Variants in CCDC73 observed in about 807,000 individuals in gnomAD.
CCDC73 encodes coiled-coil domain-containing protein 73.
CCDC73 carries 95 observed loss-of-function variants against 116.5 expected under a neutral mutation model. The observed-to-expected ratio is 0.82, with a 90% confidence interval of 0.69 to 0.97. The LOEUF (loss-of-function observed/expected upper bound fraction) is 0.97. Among genes scored for constraint, CCDC73 ranks in the 50% least tolerant of loss-of-function variants. The pLI, the probability that CCDC73 is intolerant of heterozygous loss-of-function variation, is 0.00. For synonymous variants in CCDC73, 398 were observed against 401.3 expected, an observed-to-expected ratio of 0.99 and a Z score of 0.10; for missense variants, 1,066 against 1,206.8, an observed-to-expected ratio of 0.88 and a Z score of 1.73.
chr11:32,721,683 T>A (rs1181966498), intron 2 of CCDC73, among the ~76,000 whole-genome samples: 1 of 150,792 alleles, frequency 6.6e-6, no homozygotes, highest in Non-Finnish European at 1.5e-5. Flanking sequence ...AAGCTCTGCC[T>A]CCTGGGTTCA....
intron 14 of CCDC73, among the ~76,000 whole-genome samples, chr11:32,617,767 T>C (rs946066688): frequency 1.3e-5 from 2 of 152,154 alleles, no homozygotes; most frequent in Admixed American, 1.3e-4. Context: ...AGTAGTAGAT[T>C]TGGACGAAAA....
intron 16 of CCDC73, 53 bp downstream of exon 16, chr11:32,613,369 A>T: frequency 7.0e-7 from 1 of 1,438,184 alleles, no homozygotes; most frequent in Non-Finnish European, 9.5e-7. Context: ...CACATTTATC[A>T]AGAATAAGTA....
chr11:32,754,870 G>T (rs1670280447), intron 2 of CCDC73, among the ~76,000 whole-genome samples: 1 of 145,686 alleles, frequency 6.9e-6, no homozygotes, highest in African/African-American at 2.5e-5. Flanking sequence ...CACAGAAGAT[G>T]GCTTCAACTT....
chr11:32,728,326 T>C (rs906558673), intron 2 of CCDC73, among the ~76,000 whole-genome samples: 3 of 152,182 alleles, frequency 2.0e-5, no homozygotes, highest in African/African-American at 7.2e-5. Flanking sequence ...TTATTAATAT[T>C]AATAGGAGAT....
intron 13 of CCDC73, among the ~76,000 whole-genome samples, chr11:32,639,534 C>T (rs973589756): frequency 6.6e-6 from 1 of 151,990 alleles, no homozygotes; most frequent in African/African-American, 2.4e-5. Flanking sequence ...ACTGCAACCT[C>T]CACCTCCTGG....
chr11:32,667,050 G>A (rs575805582), intron 9 of CCDC73, among the ~76,000 whole-genome samples: 150 of 152,320 alleles, frequency 9.8e-4, no homozygotes, highest in Non-Finnish European at 1.8e-3. Context: ...ACGGTCGGCC[G>A]TGTGAGGTGT....
At position 32,614,220 on chromosome 11, in the gene CCDC73, C is replaced by T. The variant is rs577131034; in HGVS notation, c.2098G>A (p.Val700Ile). Residue 700 changes from valine (V) to isoleucine (I), a missense_variant, in exon 16 of 18, where the codon GTT becomes ATT. Physicochemically the swap from Val to Ile is conservative, Grantham distance 29. Coordinates refer to ENST00000335185, the MANE Select transcript of CCDC73 (RefSeq NM_001008391.4). ...TGGTCGATTACTATATCACAGGGAA[C>T]AGTTAGTTCAGATTTCTCTAAAGTA... ...NDTLEKSELT[V>I]PCDIVIDHHV... 1.2e-5 allele frequency: 20 copies of T among 1,613,790 alleles called. No homozygotes were observed. In the East Asian group the frequency reaches 3.8e-4, roughly 31 times the overall value.
chr11:32,632,118 T>A (rs1855636966), intron 14 of CCDC73, among the ~76,000 whole-genome samples: 1 of 152,242 alleles, frequency 6.6e-6, no homozygotes, highest in African/African-American at 2.4e-5. Flanking sequence ...TTAACCCTTT[T>A]AAATGTACTA....
At chr11:32,741,146 A>G (rs546686100) in intron 2 of CCDC73, among the ~76,000 whole-genome samples, 1 of 152,284 alleles carries the variant, frequency 6.6e-6, no homozygotes, top group East Asian at 1.9e-4. Context: ...TGTATTCTGC[A>G]GCTATTGGAT....
intron 14 of CCDC73, among the ~76,000 whole-genome samples, chr11:32,616,561 G>A (rs2133223328): frequency 6.6e-6 from 1 of 152,204 alleles, no homozygotes; most frequent in Non-Finnish European, 1.5e-5. Context: ...TGCACGACAA[G>A]CCTCAAAATT....
At chr11:32,713,231 A>G (rs1227806038) in intron 3 of CCDC73, among the ~76,000 whole-genome samples, 2 of 152,078 alleles carry the variant, frequency 1.3e-5, no homozygotes, top group Non-Finnish European at 2.9e-5. Context: ...CCCCTAAATC[A>G]TGACTCCTTA....
intron 14 of CCDC73, 72 bp downstream of exon 14, chr11:32,635,624 C>T: frequency 8.4e-7 from 1 of 1,186,450 alleles, no homozygotes; most frequent in East Asian, 3.3e-5. Context: ...AAGTATAAAA[C>T]AGGGAAAAAA....
At chr11:32,742,094 T>C (rs1160133758) in intron 2 of CCDC73, among the ~76,000 whole-genome samples, 2 of 152,202 alleles carry the variant, frequency 1.3e-5, no homozygotes, top group Non-Finnish European at 2.9e-5. Flanking sequence ...GTCTTTGCTA[T>C]TGTGAATAGT....
intron 1 of CCDC73, among the ~76,000 whole-genome samples, chr11:32,788,464 G>A (rs1309326617): frequency 1.3e-5 from 2 of 151,012 alleles, no homozygotes; most frequent in Non-Finnish European, 2.9e-5. Flanking sequence ...ATACAAATTT[G>A]ATGGTACAAA....
chr11:32,736,056 C>T (rs1290986038), intron 2 of CCDC73, among the ~76,000 whole-genome samples: 2 of 151,876 alleles, frequency 1.3e-5, no homozygotes, highest in East Asian at 3.9e-4. Flanking sequence ...CCATAAAAAC[C>T]CTAGAAAAAA....
chr11:32,645,579 A>G (rs1590565645), intron 12 of CCDC73, among the ~76,000 whole-genome samples: 1 of 150,458 alleles, frequency 6.6e-6, no homozygotes, highest in Non-Finnish European at 1.5e-5. Context: ...ATGAGCCACC[A>G]CGCCTGGCCA....
chr11:32,752,992 G>C (rs990035993), intron 2 of CCDC73, among the ~76,000 whole-genome samples: 1 of 152,040 alleles, frequency 6.6e-6, no homozygotes, highest in Non-Finnish European at 1.5e-5. Context: ...TTTTCTTGTA[G>C]ATAAAGGGTC....
intron 2 of CCDC73, among the ~76,000 whole-genome samples, chr11:32,753,247 T>C (rs1289123047): frequency 6.6e-6 from 1 of 152,024 alleles, no homozygotes; most frequent in Non-Finnish European, 1.5e-5. Context: ...TTATGTTTTC[T>C]AGTATTTGTA....
intron 14 of CCDC73, among the ~76,000 whole-genome samples, chr11:32,635,102 T>C (rs1855665943): frequency 6.6e-6 from 1 of 152,172 alleles, no homozygotes; most frequent in Non-Finnish European, 1.5e-5. Flanking sequence ...ACAAAACATT[T>C]CTGAGAGACA....
Sources: allele counts gnomAD v4.1 joint callset (sites outside exome capture counted in the v4.1 genomes callset), GRCh38; gene constraint gnomAD v4.1.1; transcripts MANE v1.5; gene names NCBI Gene and HGNC (gene_info 2026-07-23, HGNC 2026-07-21).